Variants in PHLPP1 observed in about 807,000 individuals in gnomAD.
The protein encoded by PHLPP1 is PH domain leucine-rich repeat-containing protein phosphatase 1.
PHLPP1 carries 42 observed loss-of-function variants against 117.2 expected under a neutral mutation model. The observed-to-expected ratio is 0.36, with a 90% CI of 0.28 to 0.46. PHLPP1 has a LOEUF of 0.46. Among genes scored for constraint, PHLPP1 ranks in the 20% least tolerant of loss-of-function variants. PHLPP1 has a pLI of 1.00. For synonymous variants in PHLPP1, 1,042 were observed against 970.7 expected, an observed-to-expected ratio of 1.07 and a Z score of -1.37; for missense variants, 2,084 against 2,241.9, an observed-to-expected ratio of 0.93 and a Z score of 1.42.
Position 62,902,805 on chromosome 18 carries a change from T to C in PHLPP1, c.2445-159T>C, listed in dbSNP as rs547652774. 2.0e-5 allele frequency among the ~76,000 whole-genome samples: 3 copies of C among 152,348 alleles called. No individual in the cohort carries two copies. The South Asian group carries it at 6.2e-4, about 32-fold the overall frequency. On this transcript the variant is annotated intron_variant, in intron 6 of 16. Coordinates refer to ENST00000262719, the MANE Select transcript of PHLPP1 (RefSeq NM_194449.4). ...GAATTATAGCTAAAAATAGATACTCTGGCTAGTTAAGAAAGGCCGGATGCT... is the reference window on the plus strand; with the variant it reads ...GAATTATAGCTAAAAATAGATACTCCGGCTAGTTAAGAAAGGCCGGATGCT...
chr18:62,950,441 C>T (rs912654539), intron 12 of PHLPP1, among the ~76,000 whole-genome samples: 6 of 152,182 alleles, frequency 3.9e-5, no homozygotes, highest in Non-Finnish European at 5.9e-5. Context: ...AGCCAGACTT[C>T]GCTTGGCTGG....
intron 1 of PHLPP1, among the ~76,000 whole-genome samples, chr18:62,790,910 C>T (rs1489755395): frequency 6.6e-6 from 1 of 151,896 alleles, no homozygotes; most frequent in Non-Finnish European, 1.5e-5. Flanking sequence ...TAAAAGTGAC[C>T]CCAGGTTTTG....
chr18:62,979,572 A>G lies in PHLPP1; in HGVS notation c.*141A>G. The G allele has an allele frequency of 1.1e-6, 1 of 895,832 alleles. No individual in the cohort carries two copies. Among genetic ancestry groups the G allele is most frequent in the South Asian group, 1.8e-5 (1 of 55,120 alleles). The allele number at this position is 895,832 out of a possible 1,614,324, so 55.5% of individuals were successfully genotyped here. A position where few individuals can be genotyped will look rare whatever the true frequency, so the allele number is the denominator to read the frequency against. ...CAACCTGTCATCGCAGCTAATCTGT[A>G]GGTTCTCTTTCTTTGGGTTATTTTT... On this transcript the variant is annotated 3_prime_UTR_variant, in exon 17 of 17. Coordinates refer to ENST00000262719, the MANE Select transcript of PHLPP1 (RefSeq NM_194449.4).
intron 1 of PHLPP1, among the ~76,000 whole-genome samples, chr18:62,735,564 A>AAACAAC (rs34600395): frequency 0.059 from 8,407 of 142,930 alleles, 284 homozygotes; most frequent in African/African-American, 0.095. Context: ...CCCCCCATCA[A>AAACAAC]AACAACAACA....
intron 1 of PHLPP1, among the ~76,000 whole-genome samples, chr18:62,743,666 T>C (rs1489279468): frequency 1.3e-5 from 2 of 152,230 alleles, no homozygotes; most frequent in Admixed American, 1.3e-4. Flanking sequence ...GTTTGAATTA[T>C]GATCCAAATG....
At chr18:62,795,264 G>C (rs918486883) in intron 1 of PHLPP1, among the ~76,000 whole-genome samples, 3 of 151,954 alleles carry the variant, frequency 2.0e-5, no homozygotes, top group African/African-American at 7.3e-5. Flanking sequence ...GATTCCCTGA[G>C]CTCAGGAGTT....
At chr18:62,768,111 C>T (rs1912614014) in intron 1 of PHLPP1, among the ~76,000 whole-genome samples, 1 of 152,104 alleles carries the variant, frequency 6.6e-6, no homozygotes, top group Non-Finnish European at 1.5e-5. Context: ...TTCATTGACA[C>T]TGAATTTAAT....
intron 4 of PHLPP1, among the ~76,000 whole-genome samples, chr18:62,884,387 C>T (rs1916235421): frequency 6.6e-6 from 1 of 152,184 alleles, no homozygotes; most frequent in Non-Finnish European, 1.5e-5. Context: ...TATAGTTGGA[C>T]TCACTTTGTT....
At chr18:62,831,154 A>T (rs1914747337) in intron 2 of PHLPP1, among the ~76,000 whole-genome samples, 1 of 152,070 alleles carries the variant, frequency 6.6e-6, no homozygotes. Context: ...TTACTTGGGG[A>T]AATGTTACAT....
In PHLPP1 at chr18:62,979,395, G is replaced by A. The variant is rs1198713161; in HGVS notation, c.5118G>A (p.Leu1706=). 6.4e-7 allele frequency: 1 copy of A among 1,551,536 alleles called. No individual in the cohort carries two copies. The highest frequency in any genetic ancestry group is 8.7e-7 in the Non-Finnish European group (1 of 1,146,880). Residue 1706 remains leucine, a synonymous_variant, in exon 17 of 17, where the codon CTG becomes CTA. Coordinates refer to ENST00000262719, the MANE Select transcript of PHLPP1 (RefSeq NM_194449.4). The part of the protein sequence containing the change: ...LQPQLPRHYQ[L]DQLPDYYDTP... ...CGCAGCTGCCGCGGCACTACCAGCT[G>A]GACCAGCTGCCAGATTATTACGACA...
intron 13 of PHLPP1, among the ~76,000 whole-genome samples, chr18:62,961,081 G>A (rs1910753236): frequency 6.6e-6 from 1 of 152,170 alleles, no homozygotes; most frequent in Non-Finnish European, 1.5e-5. Flanking sequence ...TAGATCACCT[G>A]AGGTCAGGAG....
At chr18:62,769,939 A>C (rs1006178313) in intron 1 of PHLPP1, among the ~76,000 whole-genome samples, 2 of 152,178 alleles carry the variant, frequency 1.3e-5, no homozygotes, top group Non-Finnish European at 2.9e-5. Context: ...GAACTTTGTG[A>C]AATCTTGGAC....
chr18:62,863,346 A>G (rs1017965300), intron 4 of PHLPP1, among the ~76,000 whole-genome samples: 1 of 151,964 alleles, frequency 6.6e-6, no homozygotes, highest in Non-Finnish European at 1.5e-5. Context: ...GATTACAGGC[A>G]TGCACCACCA....
At chr18:62,825,702 C>T (rs866264495) in intron 1 of PHLPP1, among the ~76,000 whole-genome samples, 2 of 151,958 alleles carry the variant, frequency 1.3e-5, no homozygotes, top group Non-Finnish European at 2.9e-5. Context: ...AGTCTTCCCA[C>T]CTTGGCCTTT....
intron 9 of PHLPP1, among the ~76,000 whole-genome samples, chr18:62,916,258 T>C (rs950975336): frequency 6.6e-6 from 1 of 151,958 alleles, no homozygotes; most frequent in African/African-American, 2.4e-5. Context: ...TTAATAATAG[T>C]GTACATTAAT....
chr18:62,894,879 C>T (rs1195846552), intron 4 of PHLPP1, 132 bp from the exon 5 acceptor site: 13 of 672,540 alleles, frequency 1.9e-5, no homozygotes, highest in Non-Finnish European at 1.3e-5. Context: ...GCTCCTTAAC[C>T]TCTCTGGGGC....
intron 1 of PHLPP1, among the ~76,000 whole-genome samples, chr18:62,721,352 T>C (rs1568093428): frequency 6.6e-6 from 1 of 152,148 alleles, no homozygotes; most frequent in Non-Finnish European, 1.5e-5. Flanking sequence ...CATACCTATT[T>C]GTTAAACTGT....
At chr18:62,950,742 A>C (rs1292484071) in intron 12 of PHLPP1, among the ~76,000 whole-genome samples, 3 of 152,208 alleles carry the variant, frequency 2.0e-5, no homozygotes, top group Non-Finnish European at 2.9e-5. Flanking sequence ...TGGTGCTGGA[A>C]TCAAGTTAAG....
chr18:62,930,467 A>AG (rs1320721573), intron 10 of PHLPP1, among the ~76,000 whole-genome samples: 1 of 151,890 alleles, frequency 6.6e-6, no homozygotes, highest in Non-Finnish European at 1.5e-5. Flanking sequence ...ACAACAGTAA[A>AG]AAAAAATTGC....
Sources: allele counts gnomAD v4.1 joint callset (sites outside exome capture counted in the v4.1 genomes callset), GRCh38; gene constraint gnomAD v4.1.1; transcripts MANE v1.5; gene names NCBI Gene and HGNC (gene_info 2026-07-23, HGNC 2026-07-21).